Variants in WDR73 observed in about 807,000 individuals in gnomAD.
WDR73 encodes integrator complex assembly factor WDR73.
A neutral mutation model predicts 38.2 loss-of-function variants in WDR73; 30 were observed. The ratio of observed to expected loss-of-function variants is 0.79; its 90% CI spans 0.59 to 1.06. The LOEUF (loss-of-function observed/expected upper bound fraction) is 1.06. WDR73 is among the 50% of genes least tolerant of loss of function. The pLI, the probability that WDR73 is intolerant of heterozygous loss-of-function variation, is 0.00. For missense variants in WDR73, 487 were observed against 467.0 expected (o/e 1.04, Z -0.40); for synonymous variants, 197 against 176.0 (o/e 1.12, Z -0.94).
In WDR73 at chr15:84,645,873, G is replaced by C. The variant is rs753827658; in HGVS notation, c.518-37C>G. On this transcript the variant is annotated intron_variant, in intron 6 of 7. Coordinates refer to ENST00000434634, the MANE Select transcript of WDR73 (RefSeq NM_032856.5). Reference sequence around the variant, plus strand: ...ACAGCAAAGGAGACAAGCGGCTGGAGGCAGATGGGTCTGGCAATTTGGCAG... The same window carrying C: ...ACAGCAAAGGAGACAAGCGGCTGGACGCAGATGGGTCTGGCAATTTGGCAG... The C allele has an allele frequency of 5.6e-6, 9 of 1,612,438 alleles. No individual in the cohort carries two copies. In the South Asian group the frequency reaches 8.8e-5, roughly 16 times the overall value.
intron 7 of WDR73, chr15:84,643,936 T>C: frequency 2.0e-6 from 1 of 505,850 alleles, no homozygotes; most frequent in Non-Finnish European, 3.3e-6. Context: ...TGTTCTATGG[T>C]ACCAAAACAG....
chr15:84,647,244 TCTC>T (rs1303502595), intron 5 of WDR73: 3 of 152,296 alleles, frequency 2.0e-5, no homozygotes, highest in African/African-American at 7.2e-5. Flanking sequence ...GCAGGGAGGT[TCTC>T]CTCTCTGTAT....
In WDR73 at chr15:84,645,117, AT is replaced by A. The variant is rs1896404739; in HGVS notation, c.883+353del. ...AGGCGCCTGCCACCATGCCTGGCTAATTTTTTGTATTTTTAGTAGGGACGGG... is the reference window on the plus strand; with the variant it reads ...AGGCGCCTGCCACCATGCCTGGCTAATTTTTGTATTTTTAGTAGGGACGGG... On this transcript the variant is annotated intron_variant, in intron 7 of 7. Transcript: ENST00000434634. 5 of 968,350 alleles carry A rather than the reference AT, an allele frequency of 5.2e-6. No homozygotes were observed. In the South Asian group the frequency reaches 8.1e-5, roughly 16 times the overall value. The allele number at this position is 968,350 out of a possible 1,614,324, so 60.0% of individuals were successfully genotyped here. A position where few individuals can be genotyped will look rare whatever the true frequency, so the allele number is the denominator to read the frequency against.
At chr15:84,648,497 C>T in intron 4 of WDR73, 40 bp downstream of exon 4, 6 of 1,467,224 alleles carry the variant, frequency 4.1e-6, no homozygotes, top group Non-Finnish European at 4.8e-6. Flanking sequence ...CCATCCCATC[C>T]CATCCTGTGT....
At chr15:84,645,327 A>G in intron 7 of WDR73, 144 bp downstream of exon 7, 1 of 1,529,794 alleles carries the variant, frequency 6.5e-7, no homozygotes, top group East Asian at 2.5e-5. Context: ...CCACTGAAGA[A>G]CCTGGAGAGT....
chr15:84,640,742 C>A lies in WDR73; in HGVS notation c.*2728G>T, dbSNP rs951737561. 3.9e-5 allele frequency: 6 copies of A among 152,080 alleles called. No homozygotes were observed. The highest frequency in any genetic ancestry group is 1.4e-4 in the African/African-American group (6 of 41,420). 9.4% of individuals were successfully genotyped at this position (152,080 alleles called of 1,614,324 possible). Reference sequence around the variant, plus strand: ...TTAAAAGAATTTAAAATAAAGTGTTCCATAGATGTGAACCCTGCGTAGATT... The same window carrying A: ...TTAAAAGAATTTAAAATAAAGTGTTACATAGATGTGAACCCTGCGTAGATT... On this transcript the variant is annotated 3_prime_UTR_variant, in exon 8 of 8. Transcript: ENST00000434634.
At chr15:84,650,531 T>C (rs1446700765) in intron 3 of WDR73, among the ~76,000 whole-genome samples, 1 of 152,152 alleles carries the variant, frequency 6.6e-6, no homozygotes, top group Non-Finnish European at 1.5e-5. Context: ...CGGCTAATTT[T>C]TGTATTATTA....
intron 1 of WDR73, 84 bp downstream of exon 1, chr15:84,654,150 C>A: frequency 6.3e-7 from 1 of 1,577,232 alleles, no homozygotes; most frequent in Non-Finnish European, 8.7e-7. Context: ...GCACCAGGAT[C>A]CCCAACGTGC....
In WDR73 at chr15:84,645,740, G is replaced by A. The variant is rs759702169; in HGVS notation, c.614C>T (p.Thr205Ile). Residue 205 changes from threonine to isoleucine, a missense_variant, in exon 7 of 8, where the codon ACC becomes ATC. Physicochemically the swap from Thr to Ile is moderately conservative, Grantham distance 89. Transcript: ENST00000434634. ...CASGRLGLVD[T>I]RQKWAPLENR... is the part of the protein sequence containing the mutation. ...CTCCAACGGTGCCCACTTCTGCCGG[G>A]TGTCAACAAGCCCCAGCCGGCCTGA... 14 of 1,611,002 alleles carry A rather than the reference G, an allele frequency of 8.7e-6. No homozygotes were observed. Among genetic ancestry groups the A allele is most frequent in the Non-Finnish European group, 1.2e-5 (14 of 1,178,690 alleles).
intron 3 of WDR73, among the ~76,000 whole-genome samples, chr15:84,649,284 C>A (rs998075507): frequency 3.6e-4 from 55 of 152,220 alleles, no homozygotes; most frequent in African/African-American, 1.3e-3. Flanking sequence ...AAGGAGGTGG[C>A]CATAGAAGAA....
chr15:84,652,801 T>C lies in WDR73; in HGVS notation c.111A>G (p.Gly37=). 1 of 1,517,904 alleles carries C rather than the reference T, an allele frequency of 6.6e-7. No homozygotes were observed. The highest frequency in any genetic ancestry group is 8.8e-7 in the Non-Finnish European group (1 of 1,133,056). The allele number at this position is 1,517,904 out of a possible 1,614,324, so 94.0% of individuals were successfully genotyped here. Residue 37 remains glycine, a splice_region_variant and synonymous_variant, in exon 3 of 8, where the codon GGA becomes GGG. Transcript: ENST00000434634. ...TRVLEWIDDK[G]VFVAGYESLK... is the part of the protein sequence containing the mutation. ...GGCTTTCATAGCCAGCAACAAAGAC[T>C]CCTGGAAAAAGAAGCAGAGGTAGCT...
In WDR73 at chr15:84,641,498, G is replaced by A. The variant is rs1295586529; in HGVS notation, c.*1972C>T. The A allele has an allele frequency of 6.6e-6, 1 of 152,094 alleles. No individual in the cohort carries two copies. The highest frequency in any genetic ancestry group is 1.5e-5 in the Non-Finnish European group (1 of 68,014). The allele number at this position is 152,094 out of a possible 1,614,324, so 9.4% of individuals were successfully genotyped here. A position where few individuals can be genotyped will look rare whatever the true frequency, so the allele number is the denominator to read the frequency against. ...GAAAAAAGGTATAACTGAATTATGA[G>A]TGTTTATGATTTTATCTTTATTTTA... is the stretch of plus-strand genomic sequence containing the variant. On this transcript the variant is annotated 3_prime_UTR_variant, in exon 8 of 8. Transcript: ENST00000434634.
chr15:84,643,496 A>C lies in WDR73; in HGVS notation c.1111T>G (p.Trp371Gly). Residue 371 changes from tryptophan to glycine, a missense_variant, in exon 8 of 8, where the codon TGG becomes GGG. Trp to Gly is a radical substitution (Grantham distance 184). Coordinates refer to ENST00000434634, the MANE Select transcript of WDR73 (RefSeq NM_032856.5). ...CAGCGGGGGGCACAAAGGTCCACCC[A>C]GTCCCACACATGCAGAGAGGCATCA... ...TNDASLHVWDWVDLCAPR is the reference protein window; with the variant it reads ...TNDASLHVWDGVDLCAPR 1.3e-6 allele frequency: 2 copies of C among 1,564,930 alleles called. No homozygotes were observed. The highest frequency in any genetic ancestry group is 2.3e-5 in the South Asian group (2 of 85,164).
intron 7 of WDR73, 129 bp from the exon 8 acceptor site, chr15:84,643,852 A>T: frequency 8.8e-7 from 1 of 1,130,372 alleles, no homozygotes; most frequent in South Asian, 1.8e-5. Context: ...CCTAGCCTCA[A>T]GCGATCCTCC....
At chr15:84,643,893 A>C in intron 7 of WDR73, 170 bp from the exon 8 acceptor site, 1 of 728,444 alleles carries the variant, frequency 1.4e-6, no homozygotes, top group Non-Finnish European at 2.1e-6. Flanking sequence ...CTGGGATTAC[A>C]GGCACCCAGC....
At chr15:84,645,293 G>A in intron 7 of WDR73, 178 bp downstream of exon 7, 2 of 1,501,844 alleles carry the variant, frequency 1.3e-6, no homozygotes, top group East Asian at 2.5e-5. Flanking sequence ...TGGAAGTTTA[G>A]TAGCCAGGGT....
intron 3 of WDR73, among the ~76,000 whole-genome samples, chr15:84,649,077 C>T (rs1896546168): frequency 6.6e-6 from 1 of 152,218 alleles, no homozygotes; most frequent in Non-Finnish European, 1.5e-5. Flanking sequence ...TTAATTCTTA[C>T]AACCTCCTAT....
intron 3 of WDR73, among the ~76,000 whole-genome samples, chr15:84,650,503 G>A (rs1440771233): frequency 6.6e-6 from 1 of 152,188 alleles, no homozygotes; most frequent in Non-Finnish European, 1.5e-5. Flanking sequence ...TGGTACTACA[G>A]GCGCATGCCA....
At chr15:84,653,736 C>G (rs1259288591) in intron 1 of WDR73, 37 bp from the exon 2 acceptor site, 11 of 1,504,734 alleles carry the variant, frequency 7.3e-6, no homozygotes, top group Non-Finnish European at 9.1e-6. Context: ...CGATGCACAG[C>G]ACTTCACAGC....
Sources: gnomAD v4.1 joint callset for allele counts (sites outside exome capture counted in the v4.1 genomes callset) on GRCh38, gnomAD v4.1.1 for gene constraint, MANE v1.5 for transcripts, NCBI Gene and HGNC (gene_info 2026-07-23, HGNC 2026-07-21) for gene names.